MDFIC: variants seen among roughly 807,000 people sequenced by gnomAD.
MDFIC encodes the protein MyoD family inhibitor domain containing, also known as myoD family inhibitor domain-containing protein.
A neutral mutation model predicts 23.2 loss-of-function variants in MDFIC; 17 were observed. That is an observed-to-expected ratio of 0.73 (90% CI 0.50 to 1.10). The LOEUF is 1.10. Among genes scored for constraint, MDFIC ranks in the 50% least tolerant of loss-of-function variants. The probability of loss-of-function intolerance (pLI) is 0.00; values close to 1 mark genes in which losing one functional copy is unlikely to be tolerated. For missense variants in MDFIC, 356 were observed against 316.6 expected (o/e 1.12, Z -0.95); for synonymous variants, 120 against 115.2 (o/e 1.04, Z -0.27).
intron 3 of MDFIC, among the ~76,000 whole-genome samples, chr7:114,978,276 C>A (rs1793353933): frequency 1.3e-5 from 2 of 151,972 alleles, no homozygotes; most frequent in South Asian, 4.1e-4. Flanking sequence ...GATTACTCTT[C>A]CATATACATT....
intron 3 of MDFIC, among the ~76,000 whole-genome samples, chr7:114,947,675 G>T (rs1792673554): frequency 6.6e-6 from 1 of 152,240 alleles, no homozygotes; most frequent in South Asian, 2.1e-4. Flanking sequence ...CTGGGGCTAA[G>T]AGGTCAATGG....
chr7:114,974,307 A>G (rs1021852537), intron 3 of MDFIC, among the ~76,000 whole-genome samples: 1 of 151,976 alleles, frequency 6.6e-6, no homozygotes, highest in Non-Finnish European at 1.5e-5. Flanking sequence ...TTATATATAT[A>G]TATATCTTCT....
chr7:114,995,905 A>C (rs2116053859), intron 4 of MDFIC, among the ~76,000 whole-genome samples: 1 of 152,040 alleles, frequency 6.6e-6, no homozygotes, highest in South Asian at 2.1e-4. Flanking sequence ...CTTCTGCGTC[A>C]CTCATGCTGG....
intron 2 of MDFIC, among the ~76,000 whole-genome samples, chr7:114,931,072 C>CCT (rs200957078): frequency 4.6e-5 from 7 of 151,206 alleles, no homozygotes; most frequent in African/African-American, 7.3e-5. Flanking sequence ...TTTCCTCCTC[C>CCT]CTCTCTCTCT....
At chr7:114,938,713 G>A (rs1243369896) in intron 2 of MDFIC, among the ~76,000 whole-genome samples, 2 of 152,158 alleles carry the variant, frequency 1.3e-5, no homozygotes, top group Non-Finnish European at 2.9e-5. Flanking sequence ...TGTTGGACAT[G>A]TAAATAGAAA....
intron 2 of MDFIC, among the ~76,000 whole-genome samples, chr7:114,936,093 TGAAG>T: frequency 6.6e-6 from 1 of 152,152 alleles, no homozygotes; most frequent in Non-Finnish European, 1.5e-5. Context: ...CATTTAAAGT[TGAAG>T]AATCTGACAA....
At chr7:114,949,795 G>T (rs1187690494) in intron 3 of MDFIC, among the ~76,000 whole-genome samples, 2 of 151,706 alleles carry the variant, frequency 1.3e-5, no homozygotes, top group Non-Finnish European at 2.9e-5. Flanking sequence ...AACCCTAAAT[G>T]TGGGGAGGGG....
chr7:115,011,968 CTCT>C (rs371710130), intron 4 of MDFIC, among the ~76,000 whole-genome samples: 18 of 152,306 alleles, frequency 1.2e-4, no homozygotes, highest in African/African-American at 2.4e-4. Context: ...TTATTAACAC[CTCT>C]TCTTCTTTTT....
intron 2 of MDFIC, among the ~76,000 whole-genome samples, chr7:114,935,235 A>G (rs1366023193): frequency 3.3e-5 from 5 of 152,118 alleles, no homozygotes; most frequent in Admixed American, 6.5e-5. Flanking sequence ...TAAGGGAGGT[A>G]TGAATACAAA....
Position 115,018,245 on chromosome 7 carries a change from A to C in MDFIC, c.*2310A>C, listed in dbSNP as rs548021734. On this transcript the variant is annotated 3_prime_UTR_variant, in exon 5 of 5. Coordinates refer to ENST00000393486, the MANE Select transcript of MDFIC (RefSeq NM_001166345.3). ...TATGCTCATATATTAGGATGTGAGA[A>C]TATCATCTGTTTATGGACACATGAA... The C allele has an allele frequency of 9.2e-5, 14 of 152,146 alleles. No homozygotes were observed. In the South Asian group the frequency reaches 2.7e-3, roughly 29 times the overall value. The allele number at this position is 152,146 out of a possible 1,614,324, so 9.4% of individuals were successfully genotyped here. A position where few individuals can be genotyped will look rare whatever the true frequency, so the allele number is the denominator to read the frequency against.
chr7:115,011,692 A>G (rs1170743726), intron 4 of MDFIC, among the ~76,000 whole-genome samples: 1 of 152,060 alleles, frequency 6.6e-6, no homozygotes, highest in Non-Finnish European at 1.5e-5. Context: ...TTAAAATCTT[A>G]ATGACATGTG....
At chr7:114,944,844 C>G (rs965558909) in intron 3 of MDFIC, among the ~76,000 whole-genome samples, 2 of 152,150 alleles carry the variant, frequency 1.3e-5, no homozygotes, top group South Asian at 2.1e-4. Flanking sequence ...GAGTCAGGCC[C>G]GAGCTGGCTC....
In MDFIC at chr7:115,016,846, A is replaced by G. The variant is rs922380633; in HGVS notation, c.*911A>G. 6.6e-6 allele frequency: 1 copy of G among 152,222 alleles called. No homozygotes were observed. The highest frequency in any genetic ancestry group is 1.5e-5 in the Non-Finnish European group (1 of 68,100). 9.4% of individuals were successfully genotyped at this position (152,222 alleles called of 1,614,324 possible). On this transcript the variant is annotated 3_prime_UTR_variant, in exon 5 of 5. Transcript: ENST00000393486. ...TCCTCAGACTGTGGGGACAGATACA[A>G]TTCCACTCCTGTCCACAGGAACATG...
At chr7:114,954,268 T>C (rs897742171) in intron 3 of MDFIC, among the ~76,000 whole-genome samples, 3 of 152,258 alleles carry the variant, frequency 2.0e-5, no homozygotes, top group Non-Finnish European at 4.4e-5. Context: ...CCTAATCTGC[T>C]AATTACGTTC....
Position 114,979,719 on chromosome 7 carries a change from A to G in MDFIC, c.431A>G (p.Asp144Gly). Residue 144 changes from aspartate (D) to glycine (G), a missense_variant, in exon 4 of 5, where the codon GAT becomes GGT. Asp to Gly is a moderately conservative substitution (Grantham distance 94). Transcript: ENST00000393486. Reference protein sequence around the residue: ...KIQSSLSVNSDISKKSKVNAV... With the variant: ...KIQSSLSVNSGISKKSKVNAV... ...CAGTCCAGCTTGTCTGTAAACAGCGATATCAGTAAGAAGAGCAAAGTAAAT... is the reference window on the plus strand; with the variant it reads ...CAGTCCAGCTTGTCTGTAAACAGCGGTATCAGTAAGAAGAGCAAAGTAAAT... 6.2e-7 allele frequency: 1 copy of G among 1,614,182 alleles called. No homozygotes were observed. The highest frequency in any genetic ancestry group is 8.5e-7 in the Non-Finnish European group (1 of 1,180,004).
rs1421660298 is a variant in MDFIC, at chr7:114,996,669, C to A, written c.493+16888C>A. On this transcript the variant is annotated intron_variant, in intron 4 of 4. Coordinates refer to ENST00000393486, the MANE Select transcript of MDFIC (RefSeq NM_001166345.3). ...GGCAACTGGGGTTCTCAACCCTGGC[C>A]TCTGGATATTTGGAGAAAGATCTTT... Among the ~76,000 whole-genome samples, 8 of 152,166 alleles carry A rather than the reference C, an allele frequency of 5.3e-5. No homozygotes were observed. The East Asian group carries it at 1.5e-3, about 29-fold the overall frequency.
chr7:114,993,996 A>G (rs1390923623), intron 4 of MDFIC, among the ~76,000 whole-genome samples: 2 of 152,098 alleles, frequency 1.3e-5, no homozygotes, highest in South Asian at 4.1e-4. Flanking sequence ...GTCTCTTTGT[A>G]GGTCTCTAAG....
At chr7:114,933,450 G>C (rs929181694) in intron 2 of MDFIC, among the ~76,000 whole-genome samples, 6 of 152,108 alleles carry the variant, frequency 3.9e-5, no homozygotes, top group African/African-American at 1.4e-4. Flanking sequence ...GTAGAGAAGG[G>C]ATTTCACCAT....
At chr7:114,984,033 ATTGAG>A (rs1189024425) in intron 4 of MDFIC, among the ~76,000 whole-genome samples, 1 of 152,156 alleles carries the variant, frequency 6.6e-6, no homozygotes, top group Admixed American at 6.5e-5. Context: ...GCATGGTAAA[ATTGAG>A]ACTCAAACTC....
Sources: gnomAD v4.1 joint callset for allele counts (sites outside exome capture counted in the v4.1 genomes callset) on GRCh38, gnomAD v4.1.1 for gene constraint, MANE v1.5 for transcripts, NCBI Gene and HGNC (gene_info 2026-07-23, HGNC 2026-07-21) for gene names.